Variants in CDH13 observed in about 807,000 individuals in gnomAD.
CDH13 encodes the protein cadherin 13.
Under a neutral mutation model 63.8 loss-of-function variants are expected in CDH13, and 24 were observed. The ratio of observed to expected loss-of-function variants is 0.38; its 90% CI spans 0.27 to 0.53. CDH13 has a LOEUF of 0.53. Among genes scored for constraint, CDH13 ranks in the 20% least tolerant of loss-of-function variants. The pLI, the probability that CDH13 is intolerant of heterozygous loss-of-function variation, is 0.85. For missense variants in CDH13, 1,049 were observed against 903.1 expected, an observed-to-expected ratio of 1.16 and a Z score of -2.07; for synonymous variants, 503 against 355.3, an observed-to-expected ratio of 1.42 and a Z score of -4.67.
At chr16:83,592,315 T>C (rs749268357) in intron 7 of CDH13, among the ~76,000 whole-genome samples, 7 of 152,304 alleles carry the variant, frequency 4.6e-5, no homozygotes, top group Non-Finnish European at 1.0e-4. Flanking sequence ...ATAACACTTA[T>C]CTCATCTGAC....
Position 82,826,819 on chromosome 16 carries a change from G to T in CDH13, c.46-31543G>T, listed in dbSNP as rs1002471731. 3 of 152,194 alleles carry T rather than the reference G, an allele frequency of 2.0e-5. No homozygotes were observed. The East Asian group carries it at 5.8e-4, about 29-fold the overall frequency. 9.4% of individuals were successfully genotyped at this position (152,194 alleles called of 1,614,324 possible). A position where few individuals can be genotyped will look rare whatever the true frequency, so the allele number is the denominator to read the frequency against. On this transcript the variant is annotated intron_variant, in intron 1 of 13. Transcript: ENST00000567109. ...ATATTGAGCATAGACATCTAAATGT[G>T]ATTAAAATGTGGTATTAGCAGACAT...
intron 3 of CDH13, among the ~76,000 whole-genome samples, chr16:83,066,465 C>G (rs577682740): frequency 4.5e-4 from 69 of 152,256 alleles, no homozygotes; most frequent in African/African-American, 1.5e-3. Flanking sequence ...CCGAGGACCT[C>G]CTGAAGTCAT....
At chr16:83,121,008 C>T (rs140104031) in intron 3 of CDH13, among the ~76,000 whole-genome samples, 5,914 of 152,138 alleles carry the variant, frequency 0.039, 155 homozygotes, top group Non-Finnish European at 0.062. Flanking sequence ...GTGATCCTCC[C>T]GCCTCGGCCT....
intron 1 of CDH13, among the ~76,000 whole-genome samples, chr16:82,648,261 G>T (rs1910330060): frequency 6.6e-6 from 1 of 152,122 alleles, no homozygotes; most frequent in South Asian, 2.1e-4. Flanking sequence ...GTTAAACAGA[G>T]GTAAATACAG....
At chr16:83,139,326 G>T (rs1439161531) in intron 4 of CDH13, among the ~76,000 whole-genome samples, 1 of 152,208 alleles carries the variant, frequency 6.6e-6, no homozygotes, top group African/African-American at 2.4e-5. Context: ...TCCTTGCTGT[G>T]AATTTGAAAA....
intron 2 of CDH13, among the ~76,000 whole-genome samples, chr16:83,017,724 T>C (rs1205779126): frequency 6.6e-6 from 1 of 152,206 alleles, no homozygotes; most frequent in African/African-American, 2.4e-5. Context: ...ATTAGGGTTT[T>C]GTAGAGTGAC....
intron 2 of CDH13, among the ~76,000 whole-genome samples, chr16:82,938,978 A>G (rs1224360770): frequency 6.6e-6 from 1 of 152,168 alleles, no homozygotes; most frequent in East Asian, 1.9e-4. Context: ...AGGAAGATTC[A>G]TCTTCTGTGG....
At chr16:83,502,085 T>C (rs1302870758) in intron 7 of CDH13, among the ~76,000 whole-genome samples, 5 of 152,204 alleles carry the variant, frequency 3.3e-5, no homozygotes, top group African/African-American at 4.8e-5. Flanking sequence ...GCACGGCCTG[T>C]GTGGAAGACA....
chr16:83,735,262 C>T (rs1461), intron 10 of CDH13: 121,032 of 152,114 alleles, frequency 0.8, 48,663 homozygotes, highest in African/African-American at 0.87. Context: ...CATTCGAGGG[C>T]TTTGTCCATT....
At chr16:83,615,619 G>A (rs891899382) in intron 8 of CDH13, among the ~76,000 whole-genome samples, 1 of 151,964 alleles carries the variant, frequency 6.6e-6, no homozygotes, top group Admixed American at 6.6e-5. Flanking sequence ...CTCATATTTT[G>A]TACAGAATGG....
intron 7 of CDH13, among the ~76,000 whole-genome samples, chr16:83,587,784 G>A (rs1906311861): frequency 6.6e-6 from 1 of 152,050 alleles, no homozygotes; most frequent in South Asian, 2.1e-4. Context: ...GTAATAAATT[G>A]AAACCCAAGG....
intron 2 of CDH13, among the ~76,000 whole-genome samples, chr16:82,960,750 T>C (rs1298148976): frequency 1.3e-5 from 2 of 152,152 alleles, no homozygotes; most frequent in African/African-American, 4.8e-5. Flanking sequence ...AACTTCTTTG[T>C]ATAAGGACGT....
chr16:83,534,780 G>A (rs967608166), intron 7 of CDH13, among the ~76,000 whole-genome samples: 1 of 152,242 alleles, frequency 6.6e-6, no homozygotes, highest in African/African-American at 2.4e-5. Flanking sequence ...GCTGCTATGA[G>A]CATGCATTTG....
At chr16:82,632,053 G>C (rs942465000) in intron 1 of CDH13, among the ~76,000 whole-genome samples, 2 of 152,126 alleles carry the variant, frequency 1.3e-5, no homozygotes, top group Non-Finnish European at 2.9e-5. Flanking sequence ...CAGGTTTCTA[G>C]CATTTCTGAA....
At chr16:82,943,345 G>T (rs955643552) in intron 2 of CDH13, among the ~76,000 whole-genome samples, 7 of 152,042 alleles carry the variant, frequency 4.6e-5, no homozygotes, top group African/African-American at 1.4e-4. Context: ...TGTACCCTTT[G>T]CAGGATAGAC....
chr16:82,650,745 T>A (rs563566284), intron 1 of CDH13, among the ~76,000 whole-genome samples: 1 of 152,268 alleles, frequency 6.6e-6, no homozygotes, highest in South Asian at 2.1e-4. Context: ...AAAGAAGCAT[T>A]CTCTCTGAGG....
At chr16:83,585,578 C>T (rs1185035047) in intron 7 of CDH13, among the ~76,000 whole-genome samples, 3 of 151,964 alleles carry the variant, frequency 2.0e-5, no homozygotes, top group African/African-American at 7.3e-5. Flanking sequence ...AAGTGTAGAT[C>T]TGGGAATTAG....
chr16:83,113,396 C>G (rs894428638), intron 3 of CDH13, among the ~76,000 whole-genome samples: 6 of 152,370 alleles, frequency 3.9e-5, no homozygotes, highest in African/African-American at 1.4e-4. Context: ...TACTCAAATT[C>G]TTACAATAAC....
chr16:82,895,972 A>G (rs1486914606), intron 2 of CDH13, among the ~76,000 whole-genome samples: 1 of 152,046 alleles, frequency 6.6e-6, no homozygotes, highest in African/African-American at 2.4e-5. Context: ...CCCTCTTGCA[A>G]ATTTTTTCAT....
Sources: gnomAD v4.1 joint callset for allele counts (sites outside exome capture counted in the v4.1 genomes callset) on GRCh38, gnomAD v4.1.1 for gene constraint, MANE v1.5 for transcripts, NCBI Gene and HGNC (gene_info 2026-07-23, HGNC 2026-07-21) for gene names.